UHRF2: variants seen among roughly 807,000 people sequenced by gnomAD.
UHRF2 encodes E3 ubiquitin-protein ligase UHRF2.
Under a neutral mutation model 96.8 loss-of-function variants are expected in UHRF2, and 23 were observed. That is an observed-to-expected ratio of 0.24 (90% CI 0.17 to 0.34). UHRF2 has a LOEUF of 0.34. Among genes scored for constraint, UHRF2 ranks in the 10% least tolerant of loss-of-function variants. The probability of loss-of-function intolerance (pLI) is 1.00; values close to 1 mark genes in which losing one functional copy is unlikely to be tolerated. For missense variants in UHRF2, 685 were observed against 981.5 expected (o/e 0.70, Z 4.04); for synonymous variants, 385 against 332.6 (o/e 1.16, Z -1.72).
intron 3 of UHRF2, among the ~76,000 whole-genome samples, chr9:6,435,683 T>G (rs1435927621): frequency 6.6e-6 from 1 of 152,186 alleles, no homozygotes; most frequent in Non-Finnish European, 1.5e-5. Flanking sequence ...CTTGGCTCAC[T>G]GCAACCTCTG....
intron 2 of UHRF2, among the ~76,000 whole-genome samples, chr9:6,425,561 C>G (rs552362925): frequency 6.6e-6 from 1 of 151,618 alleles, no homozygotes; most frequent in South Asian, 2.1e-4. Context: ...TTGAGATCAG[C>G]CTGGTGAACA....
chr9:6,461,546 T>A (rs1031216682), intron 4 of UHRF2, among the ~76,000 whole-genome samples: 2 of 151,658 alleles, frequency 1.3e-5, no homozygotes, highest in Non-Finnish European at 2.9e-5. Flanking sequence ...CTAACTTTTA[T>A]ATTTTTAGTA....
intron 3 of UHRF2, among the ~76,000 whole-genome samples, chr9:6,451,657 C>T (rs1200029976): frequency 6.6e-6 from 1 of 151,520 alleles, no homozygotes; most frequent in Non-Finnish European, 1.5e-5. Context: ...ATTTTTAGTT[C>T]AGACGGGGTT....
At chr9:6,482,819 A>T (rs539219928) in intron 8 of UHRF2, among the ~76,000 whole-genome samples, 5 of 152,090 alleles carry the variant, frequency 3.3e-5, no homozygotes, top group Non-Finnish European at 7.4e-5. Context: ...GATGGTCTCG[A>T]TCTCCTAACC....
At chr9:6,415,082 C>G (rs767271899) in intron 1 of UHRF2, 6 of 152,182 alleles carry the variant, frequency 3.9e-5, no homozygotes, top group Non-Finnish European at 5.9e-5. Flanking sequence ...ACAAATAGTA[C>G]ATGAATTCCT....
intron 4 of UHRF2, among the ~76,000 whole-genome samples, chr9:6,463,427 G>A (rs1587831165): frequency 1.3e-5 from 2 of 151,920 alleles, no homozygotes; most frequent in Non-Finnish European, 2.9e-5. Context: ...AGAAACGTTA[G>A]GAACACAATA....
At chr9:6,420,857 AT>A in intron 1 of UHRF2, 54 bp from the exon 2 acceptor site, 1 of 1,433,400 alleles carries the variant, frequency 7.0e-7, no homozygotes, top group African/African-American at 1.4e-5. Flanking sequence ...GCAACTAAAA[AT>A]GTAGTAAGAT....
intron 4 of UHRF2, among the ~76,000 whole-genome samples, chr9:6,474,435 G>A (rs1350061952): frequency 6.6e-6 from 1 of 152,206 alleles, no homozygotes; most frequent in Non-Finnish European, 1.5e-5. Flanking sequence ...GCTGGGTGTG[G>A]TAACTCATGC....
chr9:6,487,713 G>T (rs1824393148), intron 9 of UHRF2, among the ~76,000 whole-genome samples: 1 of 152,198 alleles, frequency 6.6e-6, no homozygotes, highest in African/African-American at 2.4e-5. Flanking sequence ...TGTTGGCCAG[G>T]TTGGTCTCAA....
Position 6,485,803 on chromosome 9 carries a change from CAAAAAAAAAAA to C in UHRF2, c.1393-1003_1393-993del, listed in dbSNP as rs57868028. Among the ~76,000 whole-genome samples, 108 of 59,226 alleles carry C rather than the reference CAAAAAAAAAAA, an allele frequency of 1.8e-3. 1 individual carries two copies. Among genetic ancestry groups the C allele is most frequent in the Middle Eastern group, 0.015 (1 of 68 alleles). The allele number at this position is 59,226 out of a possible 152,430, so 38.9% of individuals were successfully genotyped here. A position where few individuals can be genotyped will look rare whatever the true frequency, so the allele number is the denominator to read the frequency against. On this transcript the variant is annotated intron_variant, in intron 8 of 15. Coordinates refer to ENST00000276893, the MANE Select transcript of UHRF2 (RefSeq NM_152896.3). ...ACATGGTGAGACCCCTGTCTCTACC[CAAAAAAAAAAA>C]AAAAAAAAAAAAAACAAAACCCAAA...
chr9:6,415,615 T>C (rs1381393171), intron 1 of UHRF2: 1 of 152,194 alleles, frequency 6.6e-6, no homozygotes, highest in African/African-American at 2.4e-5. Context: ...TTCAAAATAC[T>C]TTACTGCCAC....
At chr9:6,459,175 C>G (rs1255818521) in intron 3 of UHRF2, among the ~76,000 whole-genome samples, 1 of 152,032 alleles carries the variant, frequency 6.6e-6, no homozygotes, top group Non-Finnish European at 1.5e-5. Context: ...AAGTAACAAA[C>G]CTGCACTTTC....
At chr9:6,450,876 T>C (rs1448683144) in intron 3 of UHRF2, among the ~76,000 whole-genome samples, 2 of 152,192 alleles carry the variant, frequency 1.3e-5, no homozygotes, top group Non-Finnish European at 2.9e-5. Flanking sequence ...GAATTGGAAA[T>C]GGTATTTAGA....
chr9:6,467,867 T>G (rs1447750473), intron 4 of UHRF2, among the ~76,000 whole-genome samples: 4 of 152,140 alleles, frequency 2.6e-5, no homozygotes, highest in African/African-American at 9.7e-5. Context: ...TTATACCCAG[T>G]GGCAGTATTG....
At chr9:6,481,612 A>G (rs770958099) in intron 6 of UHRF2, 31 bp from the exon 7 acceptor site, 1 of 1,603,070 alleles carries the variant, frequency 6.2e-7, no homozygotes, top group African/African-American at 1.4e-5. Context: ...GGTATTGTGA[A>G]AATGCCTTCG....
chr9:6,504,639 A>G lies in UHRF2; in HGVS notation c.2210A>G (p.Gln737Arg). 6.2e-7 allele frequency: 1 copy of G among 1,613,938 alleles called. No homozygotes were observed. Among genetic ancestry groups the G allele is most frequent in the South Asian group, 1.1e-5 (1 of 91,050 alleles). Residue 737 changes from glutamine to arginine, a missense_variant, in exon 15 of 16, where the codon CAG becomes CGG. Transcript: ENST00000276893. ...LEQSFMCVCC[Q>R]ELVYQPVTTE... ...CAATCTTTTATGTGCGTTTGCTGTC[A>G]GGAGCTAGTTTACCAGCCTGTGACA...
chr9:6,438,574 C>T (rs1820985816), intron 3 of UHRF2, among the ~76,000 whole-genome samples: 1 of 152,166 alleles, frequency 6.6e-6, no homozygotes. Context: ...GTCTGCAAAC[C>T]TCTTGAGTGT....
chr9:6,499,539 C>G (rs1825153682), intron 12 of UHRF2: 3 of 183,296 alleles, frequency 1.6e-5, no homozygotes, highest in Admixed American at 6.0e-5. Context: ...TTTCCTTAAA[C>G]TTTAAGGAAA....
chr9:6,458,455 T>C (rs1439663700), intron 3 of UHRF2, among the ~76,000 whole-genome samples: 1 of 113,660 alleles, frequency 8.8e-6, no homozygotes, highest in Non-Finnish European at 2.0e-5. Flanking sequence ...GGATTGTTGA[T>C]TTTTTTTTTT....
Sources: allele counts gnomAD v4.1 joint callset (sites outside exome capture counted in the v4.1 genomes callset), GRCh38; gene constraint gnomAD v4.1.1; transcripts MANE v1.5; gene names NCBI Gene and HGNC (gene_info 2026-07-23, HGNC 2026-07-21).